The following CCR3 variants were observed in gnomAD, a reference collection of about 807,000 sequenced individuals.
CCR3 encodes C-C chemokine receptor type 3.
For missense variants in CCR3, 419 were observed against 437.5 expected (o/e 0.96, Z 0.38); for synonymous variants, 203 against 179.2 (o/e 1.13, Z -1.06).
chr3:46,253,679 A>G (rs1272140222), intron 1 of CCR3, among the ~76,000 whole-genome samples: 3 of 152,062 alleles, frequency 2.0e-5, no homozygotes, highest in Non-Finnish European at 4.4e-5. Flanking sequence ...GTTAACCTTT[A>G]AGGGAAACTA....
At chr3:46,225,451 T>C (rs58433765) in intron 2 of CCR3, among the ~76,000 whole-genome samples, 2,725 of 152,328 alleles carry the variant, frequency 0.018, 81 homozygotes, top group African/African-American at 0.061. Flanking sequence ...ATTGCTGGGT[T>C]GTATTGTAAG....
At chr3:46,234,182 G>T (rs1699998541) in intron 2 of CCR3, among the ~76,000 whole-genome samples, 1 of 152,210 alleles carries the variant, frequency 6.6e-6, no homozygotes, top group Non-Finnish European at 1.5e-5. Flanking sequence ...TTTGAGAAAT[G>T]CTGGATTAGG....
upstream of CCR3, among the ~76,000 whole-genome samples, chr3:46,238,214 T>C (rs1251872597): frequency 6.6e-6 from 1 of 151,864 alleles, no homozygotes; most frequent in Admixed American, 6.6e-5. Flanking sequence ...ATGAGAGTTT[T>C]AGTGTTCTGT....
At chr3:46,219,559 C>T (rs1004896873) in intron 2 of CCR3, among the ~76,000 whole-genome samples, 1 of 152,068 alleles carries the variant, frequency 6.6e-6, no homozygotes, top group African/African-American at 2.4e-5. Context: ...AATCTGGAGG[C>T]CTCATATTAC....
In CCR3 at chr3:46,233,557, G is replaced by A. The variant is rs1699991727; in HGVS notation, c.-67-8845G>A. ...CTCTTTTTTCCCGCCCCCCAGAAAT[G>A]TGTCTGCTTCAGTGTAATGTGGCAG... On this transcript the variant is annotated intron_variant, in intron 2 of 3. Coordinates refer to the CCR3 transcript ENST00000357422. 1.3e-5 allele frequency among the ~76,000 whole-genome samples: 2 copies of A among 152,096 alleles called. 1 individual carries two copies. The highest frequency in any genetic ancestry group is 4.1e-4 in the South Asian group (2 of 4,826).
In CCR3 at chr3:46,265,306, T is replaced by C; in HGVS notation, c.148T>C (p.Leu50=). ...CTCCCTGGTGTTCACTGTGGGCCTCTTGGGCAATGTGGTGGTGGTGATGAT... is the reference window on the plus strand; with the variant it reads ...CTCCCTGGTGTTCACTGTGGGCCTCCTGGGCAATGTGGTGGTGGTGATGAT... ...LYSLVFTVGL[L]GNVVVVMILI... Residue 50 remains leucine (L), a synonymous_variant, in exon 2 of 2, where the codon TTG becomes CTG. Coordinates refer to ENST00000395940, the MANE Select transcript of CCR3 (RefSeq NM_178329.3). 6.2e-7 allele frequency: 1 copy of C among 1,614,142 alleles called. No individual in the cohort carries two copies. The highest frequency in any genetic ancestry group is 8.5e-7 in the Non-Finnish European group (1 of 1,180,018).
upstream of CCR3, among the ~76,000 whole-genome samples, chr3:46,239,169 GA>G (rs1228728677): frequency 2.0e-5 from 3 of 152,248 alleles, 1 homozygote; most frequent in Non-Finnish European, 1.5e-5. Flanking sequence ...CAAAATGCCA[GA>G]AAAAAATGCT....
At chr3:46,228,323 G>GC (rs1223705773) in intron 2 of CCR3, among the ~76,000 whole-genome samples, 17 of 151,848 alleles carry the variant, frequency 1.1e-4, no homozygotes, top group Non-Finnish European at 2.1e-4. Flanking sequence ...TTTAAAATTT[G>GC]CCTCTTCACC....
At chr3:46,250,708 G>A (rs1178549861) in intron 1 of CCR3, among the ~76,000 whole-genome samples, 3 of 152,046 alleles carry the variant, frequency 2.0e-5, no homozygotes, top group African/African-American at 7.3e-5. Flanking sequence ...TGAGGACACA[G>A]GCTAAAGGAG....
chr3:46,234,718 C>T (rs188224107), intron 2 of CCR3, among the ~76,000 whole-genome samples: 92 of 152,302 alleles, frequency 6.0e-4, no homozygotes, highest in African/African-American at 2.1e-3. Context: ...ATATTCCTGT[C>T]GATAATTTAT....
chr3:46,259,257 C>T (rs1472340116), intron 1 of CCR3, among the ~76,000 whole-genome samples: 3 of 152,152 alleles, frequency 2.0e-5, no homozygotes, highest in African/African-American at 4.8e-5. Flanking sequence ...AATTTCATGT[C>T]ATTTTGTACC....
At chr3:46,248,072 A>G (rs1700231339) in intron 1 of CCR3, among the ~76,000 whole-genome samples, 1 of 151,648 alleles carries the variant, frequency 6.6e-6, no homozygotes, top group South Asian at 2.1e-4. Flanking sequence ...ATCAAGCATG[A>G]TCAGGGTGAG....
At chr3:46,211,886 GTGGAAACAGAGAAA>G (rs1340747922) in intron 2 of CCR3, among the ~76,000 whole-genome samples, 1 of 152,160 alleles carries the variant, frequency 6.6e-6, no homozygotes, top group Non-Finnish European at 1.5e-5. Flanking sequence ...TCTCGATGTG[GTGGAAACAGAGAAA>G]TATCAATAAG....
At chr3:46,217,971 G>A (rs1268064136) in intron 2 of CCR3, among the ~76,000 whole-genome samples, 1 of 148,320 alleles carries the variant, frequency 6.7e-6, no homozygotes, top group Non-Finnish European at 1.5e-5. Flanking sequence ...GATCAGAGCA[G>A]AACTAAATAA....
intron 2 of CCR3, among the ~76,000 whole-genome samples, chr3:46,217,853 A>G (rs1306665084): frequency 6.6e-6 from 1 of 151,922 alleles, no homozygotes; most frequent in African/African-American, 2.4e-5. Context: ...AAACCCCTAC[A>G]TCAAAAAGTC....
chr3:46,264,869 G>T, intron 1 of CCR3: 1 of 437,130 alleles, frequency 2.3e-6, no homozygotes, highest in Non-Finnish European at 4.0e-6. Flanking sequence ...TCCTTTAAAT[G>T]CTTTCAGAAA....
intron 2 of CCR3, among the ~76,000 whole-genome samples, chr3:46,224,763 A>G (rs1473487547): frequency 2.6e-5 from 4 of 151,050 alleles, no homozygotes; most frequent in Non-Finnish European, 5.9e-5. Flanking sequence ...AAAGCCATCA[A>G]CAACAAAAAA....
intron 1 of CCR3, chr3:46,264,096 C>T: frequency 3.1e-6 from 1 of 319,744 alleles, no homozygotes; most frequent in South Asian, 3.3e-5. Flanking sequence ...CCTCCTTTTC[C>T]ACCGAAGTCT....
intron 2 of CCR3, among the ~76,000 whole-genome samples, chr3:46,212,230 G>C (rs1239428961): frequency 6.6e-6 from 1 of 152,146 alleles, no homozygotes; most frequent in Admixed American, 6.5e-5. Context: ...AGGTTCGGTG[G>C]CTACATGAAT....
Sources: gnomAD v4.1 joint callset for allele counts (sites outside exome capture counted in the v4.1 genomes callset) on GRCh38, gnomAD v4.1.1 for gene constraint, MANE v1.5 for transcripts, NCBI Gene and HGNC (gene_info 2026-07-23, HGNC 2026-07-21) for gene names.